The following PDS5B variants were observed in gnomAD, a reference collection of about 807,000 sequenced individuals.
PDS5B encodes sister chromatid cohesion protein PDS5 homolog B.
Under a neutral mutation model 184.1 loss-of-function variants are expected in PDS5B, and 51 were observed. The ratio of observed to expected loss-of-function variants is 0.28; its 90% CI spans 0.22 to 0.35. The LOEUF (loss-of-function observed/expected upper bound fraction) is 0.35, where lower values mean the gene tolerates loss of function less well. Ranked by LOEUF, PDS5B falls within the 10% of genes least tolerant of loss-of-function variation. The probability of loss-of-function intolerance (pLI) is 1.00; values close to 1 mark genes in which losing one functional copy is unlikely to be tolerated. For synonymous variants in PDS5B, 566 were observed against 569.2 expected (o/e 0.99, Z 0.08); for missense variants, 1,180 against 1,723.3 (o/e 0.68, Z 5.58).
At chr13:32,694,085 A>G (rs1951631019) in intron 13 of PDS5B, 138 bp from the exon 14 acceptor site, 5 of 596,742 alleles carry the variant, frequency 8.4e-6, no homozygotes, top group Non-Finnish European at 1.5e-5. Flanking sequence ...ACACATTATC[A>G]GTTGCTTAGT....
At chr13:32,756,985 T>C (rs1204764304) in intron 26 of PDS5B, among the ~76,000 whole-genome samples, 2 of 151,804 alleles carry the variant, frequency 1.3e-5, no homozygotes, top group African/African-American at 2.4e-5. Context: ...ATTAGCCAGA[T>C]GTGGTGGTGC....
chr13:32,722,009 T>C (rs1183022613), intron 19 of PDS5B, among the ~76,000 whole-genome samples: 1 of 152,170 alleles, frequency 6.6e-6, no homozygotes, highest in Non-Finnish European at 1.5e-5. Flanking sequence ...GGCAGGCGGC[T>C]GGGAGGTGGA....
chr13:32,669,692 T>A (rs1950885112), intron 7 of PDS5B, among the ~76,000 whole-genome samples: 1 of 152,226 alleles, frequency 6.6e-6, no homozygotes, highest in Non-Finnish European at 1.5e-5. Context: ...TCATATTATG[T>A]CTTTATCAAA....
intron 13 of PDS5B, among the ~76,000 whole-genome samples, chr13:32,692,041 G>C (rs909032137): frequency 6.6e-6 from 1 of 151,980 alleles, no homozygotes; most frequent in African/African-American, 2.4e-5. Flanking sequence ...TTCTAGTCCT[G>C]AAGTCATTTG....
intron 3 of PDS5B, among the ~76,000 whole-genome samples, chr13:32,656,943 C>T (rs1215817079): frequency 6.6e-6 from 1 of 152,152 alleles, no homozygotes; most frequent in Non-Finnish European, 1.5e-5. Flanking sequence ...ATGTGGTCAT[C>T]ATTATGTGGT....
chr13:32,678,893 C>T lies in PDS5B; in HGVS notation c.1021C>T (p.Leu341Phe). Residue 341 changes from leucine to phenylalanine, a missense_variant, in exon 10 of 35, where the codon CTC becomes TTC. By Grantham distance (22) the Leu-to-Phe change is conservative. Coordinates refer to ENST00000315596, the MANE Select transcript of PDS5B (RefSeq NM_015032.4). ...ATGTGTGAAATTTGCTAGCCATTGT[C>T]TCATGAACCATCCTGATTTAGCAAA... ...LECVKFASHC[L>F]MNHPDLAKDL... is the part of the protein sequence containing the mutation. The T allele has an allele frequency of 5.6e-6, 9 of 1,605,960 alleles. No homozygotes were observed. The highest frequency in any genetic ancestry group is 7.7e-6 in the Non-Finnish European group (9 of 1,172,778).
At position 32,628,834 on chromosome 13, in the gene PDS5B, A is replaced by G. The variant is rs373343261; in HGVS notation, c.-19-19920A>G. Among the ~76,000 whole-genome samples the G allele has an allele frequency of 1.4e-4, 21 of 151,578 alleles. No homozygotes were observed. In the East Asian group the frequency reaches 2.1e-3, roughly 15 times the overall value. ...CCATGGTAAAGATTTACCACACTTC[A>G]TGTAGCTGTTGTTCCCTTTTCGATG... On this transcript the variant is annotated intron_variant, in intron 1 of 34. Transcript: ENST00000315596.
At chr13:32,736,286 T>C (rs1319358742) in intron 21 of PDS5B, among the ~76,000 whole-genome samples, 1 of 152,132 alleles carries the variant, frequency 6.6e-6, no homozygotes, top group Admixed American at 6.5e-5. Context: ...AAAGAACTAC[T>C]TTAGTACTTT....
At chr13:32,622,722 A>C (rs2058319565) in intron 1 of PDS5B, among the ~76,000 whole-genome samples, 1 of 152,148 alleles carries the variant, frequency 6.6e-6, no homozygotes, top group African/African-American at 2.4e-5. Context: ...GATATAAATT[A>C]ATTTTTTTCT....
In PDS5B at chr13:32,696,995, GATA is replaced by G. The variant is rs2140858054; in HGVS notation, c.1600+97_1600+99del. ...TTCATGCAGTTTTGTTATAGGCTAT[GATA>G]ATATAGGAATTTTAAATTTTCTTTA... On this transcript the variant is annotated intron_variant, in intron 15 of 34. Coordinates refer to ENST00000315596, the MANE Select transcript of PDS5B (RefSeq NM_015032.4). The G allele has an allele frequency of 4.3e-6, 3 of 700,634 alleles. No individual in the cohort carries two copies. In the South Asian group the frequency reaches 5.5e-5, roughly 13 times the overall value. 43.4% of individuals were successfully genotyped at this position (700,634 alleles called of 1,614,324 possible).
chr13:32,695,632 G>A (rs987434500), intron 14 of PDS5B, among the ~76,000 whole-genome samples: 5 of 151,952 alleles, frequency 3.3e-5, no homozygotes, highest in Non-Finnish European at 7.4e-5. Flanking sequence ...TAACATCCAG[G>A]TAGTATGTTA....
chr13:32,671,258 T>C (rs183841096), intron 7 of PDS5B, among the ~76,000 whole-genome samples: 2 of 152,324 alleles, frequency 1.3e-5, no homozygotes, highest in East Asian at 3.9e-4. Flanking sequence ...ATAAAAGTGT[T>C]CAATACATGT....
intron 1 of PDS5B, among the ~76,000 whole-genome samples, chr13:32,602,844 C>A (rs1364765382): frequency 6.6e-6 from 1 of 152,076 alleles, no homozygotes; most frequent in Non-Finnish European, 1.5e-5. Context: ...TCTCTGATGG[C>A]CAGTGATGAG....
chr13:32,646,728 G>A (rs1950238533), intron 1 of PDS5B, among the ~76,000 whole-genome samples: 1 of 151,828 alleles, frequency 6.6e-6, no homozygotes, highest in African/African-American at 2.4e-5. Context: ...ACCTGATTGT[G>A]TATATTACAT....
chr13:32,618,018 G>A (rs1331305350), intron 1 of PDS5B, among the ~76,000 whole-genome samples: 1 of 152,146 alleles, frequency 6.6e-6, no homozygotes, highest in African/African-American at 2.4e-5. Flanking sequence ...TCCTCCAGAG[G>A]TGAATGATGC....
At chr13:32,702,027 C>G (rs1051982719) in intron 17 of PDS5B, among the ~76,000 whole-genome samples, 2 of 151,862 alleles carry the variant, frequency 1.3e-5, no homozygotes, top group African/African-American at 4.8e-5. Context: ...TTTAAACTTT[C>G]CCTAAAATGT....
In PDS5B at chr13:32,613,371, T is replaced by TA. The variant is rs755457668; in HGVS notation, c.-20+26778_-20+26779insA. The stretch of plus-strand genomic sequence containing the variant: ...ATTCCCTCCAGCAGTGCATGAGCGT[T>TA]TCAGTTTTTCCATGTTTTTGCCCAT... On this transcript the variant is annotated intron_variant, in intron 1 of 34. Coordinates refer to ENST00000315596, the MANE Select transcript of PDS5B (RefSeq NM_015032.4). 4.3e-4 allele frequency among the ~76,000 whole-genome samples: 65 copies of TA among 152,372 alleles called. 2 individuals are homozygous for TA. The highest frequency in any genetic ancestry group is 1.9e-3 in the East Asian group (10 of 5,190).
intron 19 of PDS5B, among the ~76,000 whole-genome samples, chr13:32,718,154 A>ATT (rs142627515): frequency 0.014 from 2,049 of 150,174 alleles, 34 homozygotes; most frequent in South Asian, 0.062. Flanking sequence ...AGGGCTTCTG[A>ATT]ATTTTTTTTT....
At chr13:32,638,689 CG>C (rs1480477744) in intron 1 of PDS5B, among the ~76,000 whole-genome samples, 2 of 151,542 alleles carry the variant, frequency 1.3e-5, no homozygotes, top group Non-Finnish European at 2.9e-5. Flanking sequence ...GATGCTGATA[CG>C]GGGGAAAGAG....
Sources: allele counts gnomAD v4.1 joint callset (sites outside exome capture counted in the v4.1 genomes callset), GRCh38; gene constraint gnomAD v4.1.1; transcripts MANE v1.5; gene names NCBI Gene and HGNC (gene_info 2026-07-23, HGNC 2026-07-21).